Variants in LRGUK observed in about 807,000 individuals in gnomAD.
LRGUK encodes the protein leucine-rich repeat and guanylate kinase domain-containing protein.
Under a neutral mutation model 76.0 loss-of-function variants are expected in LRGUK, and 65 were observed. The observed-to-expected ratio is 0.85, with a 90% CI of 0.70 to 1.05. The LOEUF is 1.05. Among genes scored for constraint, LRGUK ranks in the 50% least tolerant of loss-of-function variants. The probability of loss-of-function intolerance (pLI) is 0.00; values close to 1 mark genes in which losing one functional copy is unlikely to be tolerated. For missense variants in LRGUK, 758 were observed against 732.8 expected, an observed-to-expected ratio of 1.03 and a Z score of -0.40; for synonymous variants, 268 against 265.6, an observed-to-expected ratio of 1.01 and a Z score of -0.09.
intron 3 of LRGUK, among the ~76,000 whole-genome samples, chr7:134,142,155 C>G (rs1037467189): frequency 6.6e-6 from 1 of 152,052 alleles, no homozygotes; most frequent in Non-Finnish European, 1.5e-5. Flanking sequence ...GAGGCCATCC[C>G]CAGGAGGTTG....
chr7:134,236,141 A>C (rs1802009504), intron 16 of LRGUK, among the ~76,000 whole-genome samples: 1 of 152,146 alleles, frequency 6.6e-6, no homozygotes, highest in Non-Finnish European at 1.5e-5. Context: ...AAATAAATGT[A>C]TAGATTATTA....
At chr7:134,271,851 C>T in the LRGUK span, among the ~76,000 whole-genome samples, 8 of 151,808 alleles carry the variant, frequency 5.3e-5, no homozygotes, top group Non-Finnish European at 7.4e-5. Flanking sequence ...ATATTTTCTC[C>T]GTCTGGTGTA....
At chr7:134,245,915 G>T (rs931157818) in intron 16 of LRGUK, among the ~76,000 whole-genome samples, 2 of 152,118 alleles carry the variant, frequency 1.3e-5, no homozygotes, top group African/African-American at 4.8e-5. Flanking sequence ...TTTTTAAATG[G>T]TGAAATGTAA....
intron 3 of LRGUK, among the ~76,000 whole-genome samples, chr7:134,141,001 C>G (rs1797742287): frequency 6.6e-6 from 1 of 152,120 alleles, no homozygotes; most frequent in Non-Finnish European, 1.5e-5. Flanking sequence ...TGGCCTACTC[C>G]ATACCTCCGC....
At chr7:134,134,427 G>A (rs17167455) in intron 1 of LRGUK, among the ~76,000 whole-genome samples, 20,547 of 152,138 alleles carry the variant, frequency 0.14, 1,698 homozygotes, top group East Asian at 0.32. Flanking sequence ...AGGCCACTCA[G>A]GATAACAACA....
At chr7:134,262,843 T>C (rs1802764993) in intron 19 of LRGUK, among the ~76,000 whole-genome samples, 1 of 151,778 alleles carries the variant, frequency 6.6e-6, no homozygotes. Context: ...TGGTGGCATA[T>C]GCCTGTAATC....
At chr7:134,214,575 A>G (rs140948512), downstream of LRGUK, among the ~76,000 whole-genome samples, 45 of 152,320 alleles carry the variant, frequency 3.0e-4, no homozygotes, top group Non-Finnish European at 5.7e-4. Context: ...TCATAGAAGA[A>G]TATTTAATTA....
intron 15 of LRGUK, 28 bp downstream of exon 15, chr7:134,201,604 A>AT (rs369598961): frequency 0.046 from 55,634 of 1,218,586 alleles, 1 homozygote; most frequent in South Asian, 0.05. Flanking sequence ...TTGTGCCAGG[A>AT]TTTTTTTTTT....
chr7:134,247,688 G>A, intron 17 of LRGUK, 44 bp downstream of exon 17: 1 of 1,411,818 alleles, frequency 7.1e-7, no homozygotes, highest in Non-Finnish European at 1.0e-6. Context: ...ATTTCCTAGT[G>A]TTCAAATAGA....
chr7:134,134,812 T>G (rs1338270503), intron 1 of LRGUK, among the ~76,000 whole-genome samples: 1 of 152,186 alleles, frequency 6.6e-6, no homozygotes, highest in Non-Finnish European at 1.5e-5. Context: ...CATAGGTGAG[T>G]GAAACATTAC....
intron 9 of LRGUK, among the ~76,000 whole-genome samples, chr7:134,177,856 A>T (rs1799547542): frequency 6.6e-6 from 1 of 152,236 alleles, no homozygotes; most frequent in Non-Finnish European, 1.5e-5. Flanking sequence ...AACATTTTGC[A>T]AAAGGAATAC....
At position 134,182,062 on chromosome 7, in the gene LRGUK, G is replaced by A. The variant is rs192157880; in HGVS notation, c.1215-1672G>A. Reference sequence around the variant, plus strand: ...ATCTGTCCCTGTCTCTATCTATAATGCTGTTATTTCAAACATGTAATATAA... The same window carrying A: ...ATCTGTCCCTGTCTCTATCTATAATACTGTTATTTCAAACATGTAATATAA... On this transcript the variant is annotated intron_variant, in intron 10 of 15. Coordinates refer to ENST00000645682, the Ensembl canonical transcript of LRGUK. Among the ~76,000 whole-genome samples, 3 of 152,146 alleles carry A rather than the reference G, an allele frequency of 2.0e-5. No homozygotes were observed. In the East Asian group the frequency reaches 5.8e-4, roughly 29 times the overall value.
At chr7:134,204,860 G>A (rs556298859) in intron 15 of LRGUK, among the ~76,000 whole-genome samples, 1 of 152,308 alleles carries the variant, frequency 6.6e-6, no homozygotes, top group East Asian at 1.9e-4. Flanking sequence ...GCACAAGAGT[G>A]GAGCCAACCA....
Position 134,152,869 on chromosome 7 carries a change from A to G in LRGUK, c.670+4550A>G, listed in dbSNP as rs548629920. ...AAAGCATAAGTTATGGTATAGTCAC[A>G]CAATAGCATATCATACAGTAGAGAA... On this transcript the variant is annotated intron_variant, in intron 5 of 15. Transcript: ENST00000645682. Among the ~76,000 whole-genome samples the G allele has an allele frequency of 2.0e-5, 3 of 152,194 alleles. No homozygotes were observed. The South Asian group carries it at 6.2e-4, about 32-fold the overall frequency.
chr7:134,149,765 A>G (rs1798128547), intron 5 of LRGUK, among the ~76,000 whole-genome samples: 1 of 152,184 alleles, frequency 6.6e-6, no homozygotes, highest in African/African-American at 2.4e-5. Flanking sequence ...TGAGTTTGCA[A>G]AGAAATAGCT....
intron 7 of LRGUK, among the ~76,000 whole-genome samples, chr7:134,170,626 G>A (rs1346539435): frequency 3.9e-5 from 6 of 152,048 alleles, no homozygotes; most frequent in African/African-American, 9.7e-5. Context: ...TTGTATGCTT[G>A]TATCAAAATA....
At chr7:134,199,932 G>A (rs1207999093) in intron 14 of LRGUK, among the ~76,000 whole-genome samples, 2 of 101,026 alleles carry the variant, frequency 2.0e-5, no homozygotes, top group African/African-American at 7.5e-5. Context: ...ATATATATAT[G>A]TACATATTTT....
chr7:134,204,724 G>A (rs1800929862), intron 15 of LRGUK, among the ~76,000 whole-genome samples: 1 of 152,192 alleles, frequency 6.6e-6, no homozygotes, highest in South Asian at 2.1e-4. Context: ...TAAGGAACAT[G>A]GTCCTTATTA....
intron 4 of LRGUK, 64 bp from the exon 5 acceptor site, chr7:134,148,174 A>G: frequency 9.5e-7 from 1 of 1,051,678 alleles, no homozygotes; most frequent in Admixed American, 2.0e-5. Context: ...TGCACAGTTA[A>G]TTATTGTGGC....
Sources: allele counts gnomAD v4.1 joint callset (sites outside exome capture counted in the v4.1 genomes callset), GRCh38; gene constraint gnomAD v4.1.1; transcripts MANE v1.5; gene names NCBI Gene and HGNC (gene_info 2026-07-23, HGNC 2026-07-21).